Variants in LRRTM4 observed in about 807,000 individuals in gnomAD.
The protein encoded by LRRTM4 is leucine rich repeat transmembrane neuronal 4.
Under a neutral mutation model 47.6 loss-of-function variants are expected in LRRTM4, and 25 were observed. The ratio of observed to expected loss-of-function variants is 0.53; its 90% CI spans 0.38 to 0.73. LRRTM4 has a LOEUF of 0.73. LRRTM4 is among the 30% of genes least tolerant of loss of function. LRRTM4 has a pLI of 0.00. For missense variants in LRRTM4, 638 were observed against 713.4 expected, an observed-to-expected ratio of 0.89 and a Z score of 1.20; for synonymous variants, 311 against 269.5, an observed-to-expected ratio of 1.15 and a Z score of -1.51.
intron 3 of LRRTM4, among the ~76,000 whole-genome samples, chr2:76,832,963 C>G (rs1671396798): frequency 6.6e-6 from 1 of 151,970 alleles, no homozygotes; most frequent in Admixed American, 6.6e-5. Context: ...GAGTATGGCA[C>G]ACTAGACACA....
chr2:77,505,627 TA>T (rs1678737415), intron 3 of LRRTM4, among the ~76,000 whole-genome samples: 1 of 151,570 alleles, frequency 6.6e-6, no homozygotes, highest in South Asian at 2.1e-4. Flanking sequence ...AAAGAGAAGA[TA>T]AACATTGTGT....
chr2:76,924,794 T>C (rs1182996673), intron 3 of LRRTM4, among the ~76,000 whole-genome samples: 2 of 151,896 alleles, frequency 1.3e-5, no homozygotes, highest in African/African-American at 4.8e-5. Flanking sequence ...ACCCCTCAAA[T>C]ATCTACCACC....
At chr2:77,318,386 T>A (rs1677681867) in intron 3 of LRRTM4, among the ~76,000 whole-genome samples, 1 of 152,176 alleles carries the variant, frequency 6.6e-6, no homozygotes, top group Admixed American at 6.5e-5. Flanking sequence ...AATTGTTAGA[T>A]CTGACTCATG....
chr2:77,342,513 G>A lies in LRRTM4; in HGVS notation c.1551+175805C>T, dbSNP rs186074223. On this transcript the variant is annotated intron_variant, in intron 3 of 3. Coordinates refer to ENST00000409884, the MANE Select transcript of LRRTM4 (RefSeq NM_001134745.3). The stretch of plus-strand genomic sequence containing the variant: ...ATACAGATGGGGCTTAAAGTCTCCA[G>A]TTTGCCAATTCATAACTGTTAGATC... Among the ~76,000 whole-genome samples the A allele has an allele frequency of 8.2e-4, 125 of 152,018 alleles. 1 individual carries two copies. Among genetic ancestry groups the A allele is most frequent in the Admixed American group, 8.2e-3 (125 of 15,240 alleles).
chr2:76,978,312 G>C (rs1229584867), intron 3 of LRRTM4, among the ~76,000 whole-genome samples: 3 of 151,988 alleles, frequency 2.0e-5, no homozygotes, highest in Non-Finnish European at 4.4e-5. Flanking sequence ...TTGAAATTTA[G>C]ATACAGATAA....
At chr2:77,173,122 A>T (rs1673102249) in intron 3 of LRRTM4, among the ~76,000 whole-genome samples, 1 of 152,346 alleles carries the variant, frequency 6.6e-6, no homozygotes, top group South Asian at 2.1e-4. Flanking sequence ...AATATGAGTG[A>T]AAAGTTTATC....
intron 3 of LRRTM4, among the ~76,000 whole-genome samples, chr2:77,169,016 A>G (rs1033156266): frequency 1.3e-5 from 2 of 152,208 alleles, no homozygotes; most frequent in African/African-American, 2.4e-5. Flanking sequence ...AGCATTTGAT[A>G]TAATTCAATA....
chr2:77,460,149 C>A (rs1200591045), intron 3 of LRRTM4, among the ~76,000 whole-genome samples: 1 of 152,122 alleles, frequency 6.6e-6, no homozygotes, highest in Non-Finnish European at 1.5e-5. Context: ...AGTTGCTGAT[C>A]AACACACATT....
At chr2:76,980,875 A>G (rs1306301893) in intron 3 of LRRTM4, among the ~76,000 whole-genome samples, 1 of 152,066 alleles carries the variant, frequency 6.6e-6, no homozygotes, top group South Asian at 2.1e-4. Flanking sequence ...TTTTAAATAG[A>G]TCTTTAAAAA....
chr2:77,442,742 T>G (rs900990339), intron 3 of LRRTM4, among the ~76,000 whole-genome samples: 2 of 152,216 alleles, frequency 1.3e-5, no homozygotes, highest in African/African-American at 4.8e-5. Context: ...GCTACTTTTC[T>G]TGCTGATAGC....
At chr2:76,780,644 C>G (rs1674322901) in intron 3 of LRRTM4, among the ~76,000 whole-genome samples, 1 of 152,106 alleles carries the variant, frequency 6.6e-6, no homozygotes, top group African/African-American at 2.4e-5. Flanking sequence ...ATTGGTTATT[C>G]TAGTAATACA....
chr2:77,333,085 G>A (rs1203275149), intron 3 of LRRTM4, among the ~76,000 whole-genome samples: 4 of 152,168 alleles, frequency 2.6e-5, no homozygotes, highest in African/African-American at 9.7e-5. Flanking sequence ...ATTTACATAA[G>A]ATGTGACTTG....
At chr2:77,014,388 C>T (rs951658254) in intron 3 of LRRTM4, among the ~76,000 whole-genome samples, 3 of 151,862 alleles carry the variant, frequency 2.0e-5, no homozygotes, top group African/African-American at 7.2e-5. Context: ...ATGTACAGAA[C>T]ACAAATAAGG....
chr2:76,781,988 C>G (rs910248786), intron 3 of LRRTM4, among the ~76,000 whole-genome samples: 6 of 152,144 alleles, frequency 3.9e-5, no homozygotes, highest in Non-Finnish European at 8.8e-5. Flanking sequence ...CTAAAATTGT[C>G]AAACCATCCT....
At chr2:77,054,009 A>T (rs912341501) in intron 3 of LRRTM4, among the ~76,000 whole-genome samples, 3 of 152,162 alleles carry the variant, frequency 2.0e-5, no homozygotes, top group Admixed American at 6.5e-5. Flanking sequence ...GTATTGTATG[A>T]TAAGTTTTGG....
intron 3 of LRRTM4, among the ~76,000 whole-genome samples, chr2:77,006,421 A>G (rs1677650546): frequency 6.6e-6 from 1 of 152,198 alleles, no homozygotes; most frequent in Admixed American, 6.5e-5. Context: ...ACCTAGGAAT[A>G]TTATCATTCC....
chr2:76,915,408 A>G (rs973392473), intron 3 of LRRTM4, among the ~76,000 whole-genome samples: 1 of 152,158 alleles, frequency 6.6e-6, no homozygotes, highest in Non-Finnish European at 1.5e-5. Context: ...CATATGCAAG[A>G]TTTACTTTTA....
At chr2:77,150,536 T>C (rs1882371) in intron 3 of LRRTM4, among the ~76,000 whole-genome samples, 46 of 152,292 alleles carry the variant, frequency 3.0e-4, no homozygotes, top group African/African-American at 1.1e-3. Context: ...AAGATCTCAT[T>C]TTTAGTGAAC....
chr2:77,091,581 A>T (rs200344033), intron 3 of LRRTM4, among the ~76,000 whole-genome samples: 20,069 of 123,808 alleles, frequency 0.16, 1,139 homozygotes, highest in African/African-American at 0.39. Context: ...TCCTATCCTC[A>T]ATACCTGCCT....
Sources: allele counts gnomAD v4.1 joint callset (sites outside exome capture counted in the v4.1 genomes callset), GRCh38; gene constraint gnomAD v4.1.1; transcripts MANE v1.5; gene names NCBI Gene and HGNC (gene_info 2026-07-23, HGNC 2026-07-21).